The following ADAMTS6 variants were observed in gnomAD, a reference collection of about 807,000 sequenced individuals.
ADAMTS6 encodes A disintegrin and metalloproteinase with thrombospondin motifs 6.
ADAMTS6 carries 23 observed loss-of-function variants against 144.3 expected under a neutral mutation model. That is an observed-to-expected ratio of 0.16 (90% confidence interval 0.11 to 0.23). The LOEUF (loss-of-function observed/expected upper bound fraction) is 0.23, where lower values mean the gene tolerates loss of function less well. Ranked by LOEUF, ADAMTS6 falls within the 10% of genes least tolerant of loss-of-function variation. The probability of loss-of-function intolerance (pLI) is 1.00; values close to 1 mark genes in which losing one functional copy is unlikely to be tolerated. For synonymous variants in ADAMTS6, 444 were observed against 457.5 expected (o/e 0.97, Z 0.38); for missense variants, 999 against 1,379.6 (o/e 0.72, Z 4.37).
chr5:65,382,092 C>T (rs1752095759), intron 7 of ADAMTS6, among the ~76,000 whole-genome samples: 1 of 152,138 alleles, frequency 6.6e-6, no homozygotes, highest in South Asian at 2.1e-4. Flanking sequence ...GGAACACACA[C>T]AATTTGAGGT....
At chr5:65,464,208 G>A (rs962933015) in intron 3 of ADAMTS6, among the ~76,000 whole-genome samples, 9 of 152,126 alleles carry the variant, frequency 5.9e-5, no homozygotes, top group African/African-American at 2.2e-4. Flanking sequence ...AAGTCTAAGG[G>A]TGAAACCTAA....
chr5:65,467,388 C>T (rs1760110082), intron 3 of ADAMTS6, among the ~76,000 whole-genome samples: 1 of 151,740 alleles, frequency 6.6e-6, no homozygotes, highest in Non-Finnish European at 1.5e-5. Context: ...CATAGTTAGC[C>T]ATGTTATAAG....
At chr5:65,463,269 T>C (rs992811286) in intron 3 of ADAMTS6, among the ~76,000 whole-genome samples, 2 of 151,134 alleles carry the variant, frequency 1.3e-5, no homozygotes, top group African/African-American at 4.9e-5. Context: ...CTGAAAAAAA[T>C]GAGGGAGCAA....
chr5:65,381,829 A>G (rs1015259777), intron 7 of ADAMTS6, among the ~76,000 whole-genome samples: 1 of 152,168 alleles, frequency 6.6e-6, no homozygotes, highest in African/African-American at 2.4e-5. Flanking sequence ...TGGGTAACAC[A>G]TGATATCTTT....
intron 3 of ADAMTS6, among the ~76,000 whole-genome samples, chr5:65,468,500 T>C (rs191314510): frequency 6.7e-6 from 1 of 150,030 alleles, no homozygotes; most frequent in Non-Finnish European, 1.5e-5. Context: ...CTAAAACTGG[T>C]GTGTAAAAGT....
At chr5:65,426,041 G>A (rs1756491678) in intron 7 of ADAMTS6, among the ~76,000 whole-genome samples, 1 of 148,664 alleles carries the variant, frequency 6.7e-6, no homozygotes, top group Non-Finnish European at 1.5e-5. Context: ...GTGAGCCACC[G>A]CACACAGACT....
In ADAMTS6 at chr5:65,263,052, T is replaced by C. The variant is rs985446948; in HGVS notation, c.1621-90A>G. The C allele has an allele frequency of 2.7e-6, 4 of 1,475,210 alleles. No homozygotes were observed. In the African/African-American group the frequency reaches 5.6e-5, roughly 21 times the overall value. 91.4% of individuals were successfully genotyped at this position (1,475,210 alleles called of 1,614,324 possible). A position where few individuals can be genotyped will look rare whatever the true frequency, so the allele number is the denominator to read the frequency against. The stretch of plus-strand genomic sequence containing the variant: ...ACATAAGGGTCAGGTACTGACCAAC[T>C]ATAGGCATTAGCATTCTCCCAATTG... On this transcript the variant is annotated intron_variant, in intron 12 of 24. Coordinates refer to ENST00000381055, the MANE Select transcript of ADAMTS6 (RefSeq NM_197941.4).
At chr5:65,248,111 C>T (rs1458201885) in intron 14 of ADAMTS6, among the ~76,000 whole-genome samples, 1 of 152,054 alleles carries the variant, frequency 6.6e-6, no homozygotes, top group Non-Finnish European at 1.5e-5. Context: ...GCTTCTATAC[C>T]CTCTTTTAAA....
chr5:65,205,625 A>G (rs1444488581), intron 20 of ADAMTS6, among the ~76,000 whole-genome samples: 1 of 152,222 alleles, frequency 6.6e-6, no homozygotes, highest in African/African-American at 2.4e-5. Context: ...ATTTCCATAG[A>G]AACAATGTAG....
At chr5:65,371,958 C>T (rs375022379) in intron 7 of ADAMTS6, among the ~76,000 whole-genome samples, 54 of 152,030 alleles carry the variant, frequency 3.6e-4, no homozygotes, top group East Asian at 2.7e-3. Flanking sequence ...AGAGAGTGGG[C>T]GCCAATATTC....
At chr5:65,172,775 T>C in intron 23 of ADAMTS6, 57 bp downstream of exon 23, 3 of 1,568,152 alleles carry the variant, frequency 1.9e-6, no homozygotes, top group Non-Finnish European at 2.6e-6. Context: ...ACAAGGAACC[T>C]CAGGTTTGTG....
intron 18 of ADAMTS6, among the ~76,000 whole-genome samples, chr5:65,215,863 G>A (rs939989209): frequency 1.3e-5 from 2 of 152,134 alleles, no homozygotes; most frequent in Non-Finnish European, 2.9e-5. Context: ...ACAACCTGTT[G>A]CACTTGGACA....
chr5:65,398,727 G>GAT lies in ADAMTS6; in HGVS notation c.1073+52747_1073+52748insAT, dbSNP rs1165633666. Among the ~76,000 whole-genome samples, 249 of 149,820 alleles carry GAT rather than the reference G, an allele frequency of 1.7e-3. 2 individuals carry two copies. The highest frequency in any genetic ancestry group is 6.1e-3 in the African/African-American group (243 of 40,040). On this transcript the variant is annotated intron_variant, in intron 7 of 24. Coordinates refer to ENST00000381055, the MANE Select transcript of ADAMTS6 (RefSeq NM_197941.4). ...ACTCTGTCAGAAAGAGAGAAAGAGA[G>GAT]AGAGAGAGAAAGAGAGATAAAGAGA...
chr5:65,181,844 G>A (rs181971362), intron 22 of ADAMTS6, among the ~76,000 whole-genome samples: 4 of 152,272 alleles, frequency 2.6e-5, no homozygotes, highest in East Asian at 1.9e-4. Context: ...GTTTTCTAAC[G>A]GAAGCATTCA....
chr5:65,310,682 T>C (rs1744407699), intron 9 of ADAMTS6, among the ~76,000 whole-genome samples: 1 of 152,256 alleles, frequency 6.6e-6, no homozygotes, highest in Non-Finnish European at 1.5e-5. Context: ...ATTAGCAATT[T>C]AGCAGAATGA....
chr5:65,365,646 C>CAA (rs779896418), intron 7 of ADAMTS6, among the ~76,000 whole-genome samples: 8 of 91,994 alleles, frequency 8.7e-5, no homozygotes, highest in South Asian at 3.7e-4. Flanking sequence ...GACTCTGTTT[C>CAA]AAAAAAAAAA....
intron 22 of ADAMTS6, among the ~76,000 whole-genome samples, chr5:65,184,109 C>T (rs1754527770): frequency 6.6e-6 from 1 of 152,138 alleles, no homozygotes; most frequent in Non-Finnish European, 1.5e-5. Context: ...TAAAATCCGA[C>T]CAGACCTTCT....
chr5:65,385,671 A>G (rs1752419192), intron 7 of ADAMTS6, among the ~76,000 whole-genome samples: 1 of 152,200 alleles, frequency 6.6e-6, no homozygotes, highest in South Asian at 2.1e-4. Flanking sequence ...CTGATTCCCA[A>G]TAAATTTCTA....
At chr5:65,311,825 T>A (rs984766673) in intron 9 of ADAMTS6, among the ~76,000 whole-genome samples, 13 of 152,106 alleles carry the variant, frequency 8.5e-5, no homozygotes, top group African/African-American at 3.1e-4. Flanking sequence ...AGATTCTTTT[T>A]AAAATCATAA....
Sources: allele counts gnomAD v4.1 joint callset (sites outside exome capture counted in the v4.1 genomes callset), GRCh38; gene constraint gnomAD v4.1.1; transcripts MANE v1.5; gene names NCBI Gene and HGNC (gene_info 2026-07-23, HGNC 2026-07-21).